Variants in UNC5D observed in about 807,000 individuals in gnomAD.
UNC5D encodes unc-5 netrin receptor D, also known as netrin receptor UNC5D.
Under a neutral mutation model 105.4 loss-of-function variants are expected in UNC5D, and 39 were observed. That is an observed-to-expected ratio of 0.37 (90% confidence interval 0.29 to 0.48). The LOEUF (loss-of-function observed/expected upper bound fraction) is 0.48, where lower values mean the gene tolerates loss of function less well. UNC5D is among the 20% of genes least tolerant of loss of function. UNC5D has a pLI of 0.98. For missense variants in UNC5D, 991 were observed against 1,202.4 expected (o/e 0.82, Z 2.60); for synonymous variants, 452 against 450.4 (o/e 1.00, Z -0.04).
chr8:35,648,051 C>T (rs1049750052), intron 4 of UNC5D, among the ~76,000 whole-genome samples: 1 of 152,124 alleles, frequency 6.6e-6, no homozygotes, highest in Admixed American at 6.5e-5. Context: ...CTTAAAAGTG[C>T]ACCACATATT....
At chr8:35,290,529 A>T (rs749203544) in intron 1 of UNC5D, among the ~76,000 whole-genome samples, 5 of 152,178 alleles carry the variant, frequency 3.3e-5, no homozygotes, top group Non-Finnish European at 7.3e-5. Context: ...AAAGGTTACC[A>T]AGTTTCTAAT....
intron 4 of UNC5D, among the ~76,000 whole-genome samples, chr8:35,631,730 A>G (rs902342175): frequency 6.6e-6 from 1 of 152,190 alleles, no homozygotes; most frequent in African/African-American, 2.4e-5. Flanking sequence ...TTCTTCACCC[A>G]TAATATAAGG....
chr8:35,396,262 G>T (rs1460292980), intron 1 of UNC5D, among the ~76,000 whole-genome samples: 1 of 152,098 alleles, frequency 6.6e-6, no homozygotes, highest in African/African-American at 2.4e-5. Context: ...GCGTATGGTT[G>T]TATTCAATGG....
chr8:35,559,991 A>C (rs1014202498), intron 2 of UNC5D, among the ~76,000 whole-genome samples: 3 of 152,240 alleles, frequency 2.0e-5, no homozygotes, highest in African/African-American at 7.2e-5. Flanking sequence ...GCAATTAGTC[A>C]TCTGCTGCCA....
chr8:35,366,219 G>A (rs1802115205), intron 1 of UNC5D, among the ~76,000 whole-genome samples: 1 of 151,920 alleles, frequency 6.6e-6, no homozygotes, highest in Non-Finnish European at 1.5e-5. Flanking sequence ...GTGTTTGAGG[G>A]CACATAGATT....
intron 1 of UNC5D, among the ~76,000 whole-genome samples, chr8:35,441,009 G>A (rs1018429567): frequency 6.6e-6 from 1 of 151,910 alleles, no homozygotes; most frequent in Non-Finnish European, 1.5e-5. Context: ...TAAAACTGTG[G>A]CTACTGGAAG....
chr8:35,595,565 A>T lies in UNC5D; in HGVS notation c.478A>T (p.Asn160Tyr). 1 of 1,613,998 alleles carries T rather than the reference A, an allele frequency of 6.2e-7. No homozygotes were observed. The highest frequency in any genetic ancestry group is 8.5e-7 in the Non-Finnish European group (1 of 1,179,960). Reference protein sequence around the residue: ...ASVRIAYLRKNFEQDPQGREV... With the variant: ...ASVRIAYLRKYFEQDPQGREV... ...ATGCTTCTTTGCAGATTTACGGAAA[A>T]ACTTTGAACAAGACCCACAAGGAAG... Residue 160 changes from asparagine to tyrosine, a missense_variant, in exon 4 of 17, where the codon AAC (asparagine) becomes TAC (tyrosine). Transcript: ENST00000404895.
intron 8 of UNC5D, among the ~76,000 whole-genome samples, chr8:35,719,466 C>T (rs139178591): frequency 3.1e-4 from 47 of 152,280 alleles, no homozygotes; most frequent in Non-Finnish European, 5.0e-4. Context: ...AGTGACCCAA[C>T]TGTAGAAGAA....
chr8:35,360,368 C>T (rs1421936303), intron 1 of UNC5D, among the ~76,000 whole-genome samples: 1 of 152,176 alleles, frequency 6.6e-6, no homozygotes, highest in Non-Finnish European at 1.5e-5. Flanking sequence ...TAGAGAATCT[C>T]TCTATCCTAA....
chr8:35,362,015 T>TA (rs1346649476), intron 1 of UNC5D, among the ~76,000 whole-genome samples: 1 of 152,204 alleles, frequency 6.6e-6, no homozygotes, highest in African/African-American at 2.4e-5. Context: ...AAAATCTTGA[T>TA]ACATCTTAAC....
chr8:35,614,361 C>T (rs961681420), intron 4 of UNC5D, among the ~76,000 whole-genome samples: 1 of 152,076 alleles, frequency 6.6e-6, no homozygotes, highest in African/African-American at 2.4e-5. Context: ...TAATAATTCA[C>T]TAGAGAAAGG....
At chr8:35,301,600 G>A (rs377160082) in intron 1 of UNC5D, among the ~76,000 whole-genome samples, 9 of 152,274 alleles carry the variant, frequency 5.9e-5, no homozygotes, top group African/African-American at 9.6e-5. Context: ...TTAGCATAGC[G>A]TATTGAGTTG....
chr8:35,468,298 T>C lies in UNC5D; in HGVS notation c.104-80994T>C, dbSNP rs1298502200. 2.0e-5 allele frequency among the ~76,000 whole-genome samples: 3 copies of C among 152,162 alleles called. No individual in the cohort carries two copies. In the South Asian group the frequency reaches 6.2e-4, roughly 31 times the overall value. ...CCAAGGACAGAGATCACTAGCTCTCTTTTACCACTTTATAGGATTCTCTGT... is the reference window on the plus strand; with the variant it reads ...CCAAGGACAGAGATCACTAGCTCTCCTTTACCACTTTATAGGATTCTCTGT... On this transcript the variant is annotated intron_variant, in intron 1 of 16. Coordinates refer to ENST00000404895, the MANE Select transcript of UNC5D (RefSeq NM_080872.4).
chr8:35,293,843 A>G (rs1381729549), intron 1 of UNC5D, among the ~76,000 whole-genome samples: 1 of 152,216 alleles, frequency 6.6e-6, no homozygotes, highest in Non-Finnish European at 1.5e-5. Context: ...ATAGGGTACC[A>G]TGTGTAATGA....
intron 2 of UNC5D, among the ~76,000 whole-genome samples, chr8:35,550,677 G>A (rs1175889684): frequency 6.6e-6 from 1 of 152,150 alleles, no homozygotes. Flanking sequence ...ATGCTATGCA[G>A]ATGAAGTTAG....
At chr8:35,770,293 T>TATC (rs1487384691) in intron 15 of UNC5D, among the ~76,000 whole-genome samples, 1 of 152,206 alleles carries the variant, frequency 6.6e-6, no homozygotes, top group Non-Finnish European at 1.5e-5. Context: ...ATAAGATATC[T>TATC]ATCTCAAATA....
At chr8:35,596,568 C>T (rs1819505446) in intron 4 of UNC5D, among the ~76,000 whole-genome samples, 1 of 152,020 alleles carries the variant, frequency 6.6e-6, no homozygotes, top group Admixed American at 6.6e-5. Flanking sequence ...CGACATGTGC[C>T]CAATGTGGTC....
chr8:35,548,507 A>G (rs1481022400), intron 1 of UNC5D, among the ~76,000 whole-genome samples: 1 of 152,142 alleles, frequency 6.6e-6, no homozygotes, highest in Non-Finnish European at 1.5e-5. Flanking sequence ...AGAAACAGGG[A>G]AGTACAGTTT....
intron 4 of UNC5D, among the ~76,000 whole-genome samples, chr8:35,677,019 A>C (rs1825280649): frequency 6.6e-6 from 1 of 151,930 alleles, no homozygotes; most frequent in Non-Finnish European, 1.5e-5. Context: ...ATAAGATCTG[A>C]CCACACTGTG....
Sources: allele counts gnomAD v4.1 joint callset (sites outside exome capture counted in the v4.1 genomes callset), GRCh38; gene constraint gnomAD v4.1.1; transcripts MANE v1.5; gene names NCBI Gene and HGNC (gene_info 2026-07-23, HGNC 2026-07-21).